The following SHC3 variants were observed in gnomAD, a reference collection of about 807,000 sequenced individuals.
SHC3 encodes the protein SHC-transforming protein 3.
SHC3 carries 15 observed loss-of-function variants against 60.4 expected under a neutral mutation model. The observed-to-expected ratio is 0.25, with a 90% CI of 0.17 to 0.38. The LOEUF is 0.38. Ranked by LOEUF, SHC3 falls within the 10% of genes least tolerant of loss-of-function variation. The probability of loss-of-function intolerance (pLI) is 1.00; values close to 1 mark genes in which losing one functional copy is unlikely to be tolerated. For missense variants in SHC3, 677 were observed against 786.1 expected, an observed-to-expected ratio of 0.86 and a Z score of 1.66; for synonymous variants, 294 against 325.9, an observed-to-expected ratio of 0.90 and a Z score of 1.05.
intron 1 of SHC3, among the ~76,000 whole-genome samples, chr9:89,138,077 G>C (rs1263405773): frequency 6.6e-6 from 1 of 152,156 alleles, no homozygotes; most frequent in Non-Finnish European, 1.5e-5. Context: ...CCTTGCCCTG[G>C]GAAGCCGTGA....
At chr9:89,175,961 C>G (rs557030306) in intron 1 of SHC3, among the ~76,000 whole-genome samples, 2 of 152,366 alleles carry the variant, frequency 1.3e-5, no homozygotes, top group South Asian at 4.1e-4. Context: ...TGCACACACA[C>G]TTTAGCATCT....
chr9:89,097,285 C>T (rs1825719391), intron 2 of SHC3, among the ~76,000 whole-genome samples: 1 of 152,132 alleles, frequency 6.6e-6, no homozygotes, highest in Non-Finnish European at 1.5e-5. Context: ...ATTTTCAGTG[C>T]TCAAAGGCTT....
intron 2 of SHC3, among the ~76,000 whole-genome samples, chr9:89,095,001 AG>A (rs1175009133): frequency 6.6e-6 from 1 of 152,210 alleles, no homozygotes; most frequent in Non-Finnish European, 1.5e-5. Flanking sequence ...AAGAATGTGG[AG>A]AAATAGGAAC....
At chr9:89,038,587 G>T (rs1824624497) in intron 10 of SHC3, among the ~76,000 whole-genome samples, 1 of 152,182 alleles carries the variant, frequency 6.6e-6, no homozygotes, top group African/African-American at 2.4e-5. Context: ...TAGCTAGCTG[G>T]AATGACTTCA....
At chr9:89,076,902 G>A (rs539661813) in intron 3 of SHC3, among the ~76,000 whole-genome samples, 1 of 152,240 alleles carries the variant, frequency 6.6e-6, no homozygotes, top group South Asian at 2.1e-4. Flanking sequence ...AATAGGGCCG[G>A]GCATGGTGGC....
intron 6 of SHC3, among the ~76,000 whole-genome samples, chr9:89,054,626 T>C (rs1014954767): frequency 6.6e-6 from 1 of 152,182 alleles, no homozygotes; most frequent in African/African-American, 2.4e-5. Flanking sequence ...CACCTCTCCC[T>C]GAGGAAACAA....
chr9:89,092,748 GTGTGTGTGTGTGTA>G (rs1825643762), intron 2 of SHC3, among the ~76,000 whole-genome samples: 1 of 151,696 alleles, frequency 6.6e-6, no homozygotes, highest in African/African-American at 2.4e-5. Context: ...AGGTGTGTGT[GTGTGTGTGTGTGTA>G]TGTGTGTGTG....
At chr9:89,050,809 C>T (rs1410380586) in intron 7 of SHC3, among the ~76,000 whole-genome samples, 1 of 152,142 alleles carries the variant, frequency 6.6e-6, no homozygotes, top group Non-Finnish European at 1.5e-5. Flanking sequence ...TTTGTTTCCT[C>T]AGTCTCCTAC....
intron 1 of SHC3, among the ~76,000 whole-genome samples, chr9:89,161,310 C>T (rs1383699116): frequency 6.6e-6 from 1 of 152,052 alleles, no homozygotes; most frequent in Non-Finnish European, 1.5e-5. Flanking sequence ...GTGTAGGCGC[C>T]CTCCTTCTCT....
chr9:89,015,915 C>T (rs1029097600), intron 11 of SHC3, among the ~76,000 whole-genome samples: 2 of 152,040 alleles, frequency 1.3e-5, no homozygotes, highest in Admixed American at 6.5e-5. Flanking sequence ...TAAGAAAAGT[C>T]TAAAATTAAT....
In SHC3 at chr9:89,008,855, C is replaced by T. The variant is rs928762301; in HGVS notation, c.*4592G>A. 5.3e-5 allele frequency: 8 copies of T among 152,214 alleles called. No individual in the cohort carries two copies. Among genetic ancestry groups the T allele is most frequent in the Admixed American group, 2.6e-4 (4 of 15,288 alleles). 9.4% of individuals were successfully genotyped at this position (152,214 alleles called of 1,614,324 possible). A position where few individuals can be genotyped will look rare whatever the true frequency, so the allele number is the denominator to read the frequency against. On this transcript the variant is annotated 3_prime_UTR_variant, in exon 12 of 12. Coordinates refer to ENST00000375835, the MANE Select transcript of SHC3 (RefSeq NM_016848.6). ...CTTACTTGATAATGCACGCCTTCCC[C>T]GTCAGCTTCCTTCTCTCCCTACTTC...
At chr9:89,061,563 G>A (rs993995741) in intron 6 of SHC3, among the ~76,000 whole-genome samples, 2 of 152,340 alleles carry the variant, frequency 1.3e-5, no homozygotes, top group Middle Eastern at 3.4e-3. Flanking sequence ...CCGCTGTTCA[G>A]GCTGGATATG....
At chr9:89,115,174 G>A (rs771221917) in intron 1 of SHC3, among the ~76,000 whole-genome samples, 1 of 152,156 alleles carries the variant, frequency 6.6e-6, no homozygotes, top group Non-Finnish European at 1.5e-5. Flanking sequence ...AGTTAGATGA[G>A]TACTGTCTTC....
intron 2 of SHC3, 66 bp downstream of exon 2, chr9:89,112,490 C>A (rs1476083621): frequency 2.6e-6 from 4 of 1,549,158 alleles, no homozygotes; most frequent in African/African-American, 2.8e-5. Flanking sequence ...AATGTGTCAG[C>A]TGTTAATCTC....
chr9:89,084,451 G>C (rs1372006699), intron 2 of SHC3, among the ~76,000 whole-genome samples: 2 of 152,116 alleles, frequency 1.3e-5, no homozygotes, highest in Non-Finnish European at 2.9e-5. Flanking sequence ...ATAAGCTCTT[G>C]GGATTACTAA....
At chr9:89,167,536 C>A (rs568577513) in intron 1 of SHC3, among the ~76,000 whole-genome samples, 4 of 152,288 alleles carry the variant, frequency 2.6e-5, no homozygotes, top group African/African-American at 9.6e-5. Flanking sequence ...TCAGGGGCAC[C>A]TGCCAGGTCC....
At chr9:89,114,922 G>A (rs1294918308) in intron 1 of SHC3, among the ~76,000 whole-genome samples, 5 of 152,058 alleles carry the variant, frequency 3.3e-5, no homozygotes, top group South Asian at 2.1e-4. Context: ...CACTGATGTC[G>A]CAGCGTGATA....
intron 1 of SHC3, among the ~76,000 whole-genome samples, chr9:89,150,099 A>T (rs1826524519): frequency 6.6e-6 from 1 of 152,200 alleles, no homozygotes; most frequent in African/African-American, 2.4e-5. Flanking sequence ...CTGATGTATT[A>T]TTAGTTATTG....
intron 7 of SHC3, 111 bp from the exon 8 acceptor site, chr9:89,047,105 T>G (rs1824787866): frequency 3.6e-6 from 4 of 1,098,874 alleles, no homozygotes; most frequent in Non-Finnish European, 4.9e-6. Context: ...AGTCAGTGCC[T>G]CCTCAGCCAT....
Sources: allele counts gnomAD v4.1 joint callset (sites outside exome capture counted in the v4.1 genomes callset), GRCh38; gene constraint gnomAD v4.1.1; transcripts MANE v1.5; gene names NCBI Gene and HGNC (gene_info 2026-07-23, HGNC 2026-07-21).